Variants in SVIL observed in about 807,000 individuals in gnomAD.
SVIL encodes supervillin.
SVIL carries 101 observed loss-of-function variants against 240.4 expected under a neutral mutation model. The ratio of observed to expected loss-of-function variants is 0.42; its 90% CI spans 0.36 to 0.50. The LOEUF (loss-of-function observed/expected upper bound fraction) is 0.50, where lower values mean the gene tolerates loss of function less well. SVIL is among the 20% of genes least tolerant of loss of function. SVIL has a pLI of 0.01. For synonymous variants in SVIL, 999 were observed against 1,100.0 expected, an observed-to-expected ratio of 0.91 and a Z score of 1.82; for missense variants, 2,512 against 2,818.7, an observed-to-expected ratio of 0.89 and a Z score of 2.46.
Position 29,488,685 on chromosome 10 carries a change from T to A in SVIL, c.4264A>T (p.Ser1422Cys). 6.2e-7 allele frequency: 1 copy of A among 1,613,062 alleles called. No individual in the cohort carries two copies. Among genetic ancestry groups the A allele is most frequent in the Non-Finnish European group, 8.5e-7 (1 of 1,179,608 alleles). ...TCCGTCAGGTTGACGCTCCGCAGGC[T>A]GACGTTGCTGAAGTTTTCTTTACTG... ...LASKENFSNV[S>C]LRSVNLTEQN... is the part of the protein sequence containing the mutation. Residue 1422 changes from serine to cysteine, a missense_variant, in exon 23 of 38, where the codon AGC becomes TGC. Around this residue, in one of 3 missense-constraint regions of SVIL, gnomAD observed 272 missense variants for 406.8 expected, o/e 0.67. Transcript: ENST00000355867.
In SVIL at chr10:29,595,461, G is replaced by A. The variant is rs573504873; in HGVS notation, c.-200-26149C>T. ...GGCACGTGCCCAGTGAGGGAGAAGTGCCCTGACAGCAACAACACTGTTATT... is the reference window on the plus strand; with the variant it reads ...GGCACGTGCCCAGTGAGGGAGAAGTACCCTGACAGCAACAACACTGTTATT... On this transcript the variant is annotated intron_variant, in intron 1 of 37. Coordinates refer to ENST00000355867, the MANE Select transcript of SVIL (RefSeq NM_021738.3). 5.9e-5 allele frequency among the ~76,000 whole-genome samples: 9 copies of A among 152,144 alleles called. No homozygotes were observed. In the East Asian group the frequency reaches 1.7e-3, roughly 29 times the overall value.
Position 29,484,387 on chromosome 10 carries a change from G to A in SVIL, c.4955+269C>T, listed in dbSNP as rs1389099879. Among the ~76,000 whole-genome samples, 2 of 152,124 alleles carry A rather than the reference G, an allele frequency of 1.3e-5. No homozygotes were observed. Among genetic ancestry groups the A allele is most frequent in the South Asian group, 2.1e-4 (1 of 4,820 alleles). On this transcript the variant is annotated intron_variant, in intron 27 of 37. Transcript: ENST00000355867. This position sits in a 1 kb window ranked among gnomAD's most constrained non-coding sequence, Gnocchi z 4.7. ...CTGCCACAGCAGCACTTGTAATGCC[G>A]CAGGGAGGAACTTGCAGCATTTCTT...
intron 3 of SVIL, among the ~76,000 whole-genome samples, chr10:29,561,598 T>G (rs1954478298): frequency 6.6e-6 from 1 of 152,038 alleles, no homozygotes; most frequent in African/African-American, 2.4e-5. Flanking sequence ...TTTTTTTTTT[T>G]TGTCTTTCAC....
At chr10:29,673,930 A>C (rs1303524773) in intron 2 of SVIL, among the ~76,000 whole-genome samples, 1 of 152,222 alleles carries the variant, frequency 6.6e-6, no homozygotes, top group Non-Finnish European at 1.5e-5. Flanking sequence ...ACTGTAGAAA[A>C]TTCTCTAATT....
At chr10:29,471,029 T>C (rs1163252641) in intron 31 of SVIL, 109 bp downstream of exon 31, 2 of 1,030,098 alleles carry the variant, frequency 1.9e-6, no homozygotes, top group Non-Finnish European at 3.0e-6. Flanking sequence ...CTTTCAGAGG[T>C]CGAGCCACAG....
intron 6 of SVIL, among the ~76,000 whole-genome samples, chr10:29,541,505 T>C (rs1303709421): frequency 6.6e-6 from 1 of 152,176 alleles, no homozygotes; most frequent in Admixed American, 6.5e-5. Flanking sequence ...GTACTGAAAA[T>C]GTAGCATTTT....
upstream of SVIL, among the ~76,000 whole-genome samples, chr10:29,636,085 A>G (rs1018939812): frequency 6.6e-6 from 1 of 151,226 alleles, no homozygotes; most frequent in Non-Finnish European, 1.5e-5. Flanking sequence ...TGCTAGGGGT[A>G]TTTGTCCCAG....
chr10:29,478,565 T>G (rs1946461705), intron 29 of SVIL, among the ~76,000 whole-genome samples: 1 of 151,874 alleles, frequency 6.6e-6, no homozygotes, highest in Non-Finnish European at 1.5e-5. Flanking sequence ...GGCTGTAGGG[T>G]CCCAGCACCT....
rs528626250 is a variant in SVIL at position 29,554,777 on chromosome 10, G to A, written c.160+6C>T. On this transcript the variant is annotated splice_donor_region_variant and intron_variant, in intron 5 of 37. Transcript: ENST00000355867. ...TGGAAAATGGGCCACCCAGCTCCAC[G>A]CTCACCGATGTGGGGGCTGGCAGGG... 5 of 1,580,514 alleles carry A rather than the reference G, an allele frequency of 3.2e-6. No individual in the cohort carries two copies. The highest frequency in any genetic ancestry group is 1.4e-5 in the African/African-American group (1 of 73,854).
intron 1 of SVIL, among the ~76,000 whole-genome samples, chr10:29,571,538 C>A (rs1318561442): frequency 1.3e-5 from 2 of 152,034 alleles, no homozygotes; most frequent in Admixed American, 1.3e-4. Context: ...AACAGAGAGC[C>A]AAAAACCCAT....
At chr10:29,690,555 A>G (rs1355320439) in intron 1 of SVIL, among the ~76,000 whole-genome samples, 2 of 152,186 alleles carry the variant, frequency 1.3e-5, no homozygotes, top group Non-Finnish European at 2.9e-5. Flanking sequence ...ATGCAATACT[A>G]GAAGGCCCTA....
rs140014201 is a variant in SVIL, at chr10:29,605,685, T to A, written c.-201+28735A>T. The stretch of plus-strand genomic sequence containing the variant: ...TCTTTAGTGGGTTTTTTCCCCTTAG[T>A]GGAAAAGTGGCTTTAAAAAATATAT... On this transcript the variant is annotated intron_variant, in intron 1 of 37. Transcript: ENST00000355867. 2.2e-3 allele frequency among the ~76,000 whole-genome samples: 329 copies of A among 148,656 alleles called. 2 individuals are homozygous for A. The highest frequency in any genetic ancestry group is 7.6e-3 in the African/African-American group (310 of 40,912).
At chr10:29,471,276 G>A in intron 30 of SVIL, 33 bp from the exon 31 acceptor site, 2 of 1,541,464 alleles carry the variant, frequency 1.3e-6, no homozygotes, top group Non-Finnish European at 8.8e-7. Flanking sequence ...ATAGGTAAGG[G>A]GCGCGGGGCT....
At chr10:29,556,378 T>G (rs1953937389) in intron 3 of SVIL, among the ~76,000 whole-genome samples, 1 of 152,160 alleles carries the variant, frequency 6.6e-6, no homozygotes, top group Admixed American at 6.5e-5. Context: ...TTTGACTGCT[T>G]CAATTTCCAT....
At chr10:29,680,624 A>G (rs1040387042) in intron 2 of SVIL, among the ~76,000 whole-genome samples, 1 of 152,188 alleles carries the variant, frequency 6.6e-6, no homozygotes, top group Non-Finnish European at 1.5e-5. Context: ...GGCAAATCAA[A>G]AATAGCAAGA....
At chr10:29,541,607 C>T (rs1299136915) in intron 6 of SVIL, among the ~76,000 whole-genome samples, 5 of 152,086 alleles carry the variant, frequency 3.3e-5, no homozygotes, top group South Asian at 2.1e-4. Context: ...ATGCTGTAAC[C>T]GCAGCCCAGA....
intron 1 of SVIL, among the ~76,000 whole-genome samples, chr10:29,592,245 C>T (rs147874042): frequency 0.029 from 4,447 of 152,228 alleles, 123 homozygotes; most frequent in South Asian, 0.12. Flanking sequence ...GAGTGAGACT[C>T]TTTCTCAAAA....
chr10:29,696,750 G>A (rs908576000), intron 1 of SVIL, among the ~76,000 whole-genome samples: 4 of 150,188 alleles, frequency 2.7e-5, no homozygotes, highest in African/African-American at 9.8e-5. Context: ...GAGCCCCTCC[G>A]CCTGGCTGCC....
intron 1 of SVIL, among the ~76,000 whole-genome samples, chr10:29,708,148 C>A (rs1454102248): frequency 1.3e-5 from 2 of 149,482 alleles, no homozygotes; most frequent in African/African-American, 5.0e-5. Flanking sequence ...GTCCCAGCTA[C>A]TCGGGAGGCT....
Sources: gnomAD v4.1 joint callset for allele counts (sites outside exome capture counted in the v4.1 genomes callset) on GRCh38, gnomAD v4.1.1 for gene constraint, gnomAD v4.1.1 regional missense constraint, Gnocchi (gnomAD v3.1) non-coding constraint, MANE v1.5 for transcripts, NCBI Gene and HGNC (gene_info 2026-07-23, HGNC 2026-07-21) for gene names.